DEPTOR: variants seen among roughly 807,000 people sequenced by gnomAD.
The protein encoded by DEPTOR is DEP domain-containing mTOR-interacting protein.
A neutral mutation model predicts 41.6 loss-of-function variants in DEPTOR; 41 were observed. The observed-to-expected ratio is 0.98, with a 90% CI of 0.77 to 1.28. DEPTOR has a LOEUF of 1.28. Ranked by LOEUF, DEPTOR falls within the 50% of genes most tolerant of loss-of-function variation. DEPTOR has a pLI of 0.00. For missense variants in DEPTOR, 514 were observed against 527.9 expected, an observed-to-expected ratio of 0.97 and a Z score of 0.26; for synonymous variants, 195 against 192.3, an observed-to-expected ratio of 1.01 and a Z score of -0.12.
At chr8:119,883,149 G>C (rs74347070) in intron 1 of DEPTOR, among the ~76,000 whole-genome samples, 2,166 of 152,090 alleles carry the variant, frequency 0.014, 56 homozygotes, top group African/African-American at 0.05. Context: ...GGGGAGATGA[G>C]GAGAGAAAAC....
At chr8:119,883,995 A>G (rs6469858) in intron 1 of DEPTOR, among the ~76,000 whole-genome samples, 134,630 of 152,248 alleles carry the variant, frequency 0.88, 59,621 homozygotes, top group East Asian at 0.97. Flanking sequence ...GACTTAAGGT[A>G]TAAGAAACAA....
intron 1 of DEPTOR, 88 bp from the exon 2 acceptor site, chr8:119,928,312 C>A (rs1827988771): frequency 7.1e-7 from 1 of 1,408,120 alleles, no homozygotes; most frequent in Non-Finnish European, 9.7e-7. Flanking sequence ...GCCTTTAGAA[C>A]TTCTGTTATG....
intron 4 of DEPTOR, among the ~76,000 whole-genome samples, chr8:119,966,766 C>T (rs1828567917): frequency 6.6e-6 from 1 of 152,150 alleles, no homozygotes. Flanking sequence ...CGTGAACAAC[C>T]ATGCCGGGCC....
At chr8:119,932,090 T>G (rs900708946) in intron 3 of DEPTOR, among the ~76,000 whole-genome samples, 7 of 151,858 alleles carry the variant, frequency 4.6e-5, no homozygotes, top group African/African-American at 1.5e-4. Context: ...CAAGTGATCC[T>G]CCTGCCTCAG....
At chr8:119,878,137 G>A (rs953380439) in intron 1 of DEPTOR, among the ~76,000 whole-genome samples, 2 of 152,108 alleles carry the variant, frequency 1.3e-5, no homozygotes, top group African/African-American at 4.8e-5. Flanking sequence ...CTTCAACCCA[G>A]GAGGCGGAGA....
In DEPTOR at chr8:120,049,919, G is replaced by C; in HGVS notation, c.*215G>C. On this transcript the variant is annotated 3_prime_UTR_variant, in exon 9 of 9. Transcript: ENST00000286234. ...AAATGTCAGTGTAGAAAACATTTGGGAAACCATTTTCCTACATGATAGAAC... is the reference window on the plus strand; with the variant it reads ...AAATGTCAGTGTAGAAAACATTTGGCAAACCATTTTCCTACATGATAGAAC... The C allele has an allele frequency of 2.3e-6, 1 of 436,282 alleles. No individual in the cohort carries two copies. The highest frequency in any genetic ancestry group is 3.8e-6 in the Non-Finnish European group (1 of 262,440). 27.0% of individuals were successfully genotyped at this position (436,282 alleles called of 1,614,324 possible). A position where few individuals can be genotyped will look rare whatever the true frequency, so the allele number is the denominator to read the frequency against.
chr8:119,899,964 GA>G (rs1827565141), intron 1 of DEPTOR, among the ~76,000 whole-genome samples: 1 of 152,026 alleles, frequency 6.6e-6, no homozygotes, highest in South Asian at 2.1e-4. Context: ...TGTAATCAAA[GA>G]ACCATAATTA....
intron 1 of DEPTOR, among the ~76,000 whole-genome samples, chr8:119,927,050 T>C (rs1026869013): frequency 3.9e-5 from 6 of 152,154 alleles, no homozygotes; most frequent in African/African-American, 7.2e-5. Context: ...TAGCAGACCA[T>C]GGCAGAAGAG....
intron 1 of DEPTOR, among the ~76,000 whole-genome samples, chr8:119,918,301 A>G (rs1446977445): frequency 2.0e-5 from 3 of 152,186 alleles, no homozygotes; most frequent in African/African-American, 7.2e-5. Flanking sequence ...TTGCAGTGAC[A>G]AGACACAGAG....
At chr8:119,951,729 T>C (rs960442798) in intron 3 of DEPTOR, among the ~76,000 whole-genome samples, 1 of 152,228 alleles carries the variant, frequency 6.6e-6, no homozygotes, top group East Asian at 1.9e-4. Context: ...GAGCACCTAA[T>C]GTATACCTCC....
chr8:119,954,338 G>A (rs1206892951), intron 3 of DEPTOR, among the ~76,000 whole-genome samples: 1 of 151,694 alleles, frequency 6.6e-6, no homozygotes, highest in Non-Finnish European at 1.5e-5. Context: ...TTGAGATGGG[G>A]TTTTGCCATA....
chr8:119,973,158 C>T (rs1701363357), intron 4 of DEPTOR, among the ~76,000 whole-genome samples: 1 of 151,734 alleles, frequency 6.6e-6, no homozygotes, highest in African/African-American at 2.4e-5. Context: ...AGGCTGCTCT[C>T]GAACTCCCGA....
At chr8:120,022,167 A>AAAAAAAAAAAAAG in intron 8 of DEPTOR, among the ~76,000 whole-genome samples, 1 of 150,982 alleles carries the variant, frequency 6.6e-6, no homozygotes, top group African/African-American at 2.4e-5. Flanking sequence ...TAAAAAAAAA[A>AAAAAAAAAAAAAG]AAAAAAAAAA....
At chr8:120,025,795 A>C (rs1272090883) in intron 8 of DEPTOR, among the ~76,000 whole-genome samples, 1 of 151,430 alleles carries the variant, frequency 6.6e-6, no homozygotes, top group Non-Finnish European at 1.5e-5. Context: ...CTTATCATCC[A>C]TTCCCCACCA....
At chr8:119,916,263 C>G (rs924864365) in intron 1 of DEPTOR, among the ~76,000 whole-genome samples, 18 of 118,650 alleles carry the variant, frequency 1.5e-4, no homozygotes, top group African/African-American at 5.1e-4. Flanking sequence ...CCAGGCTAGG[C>G]TAATTTTTTT....
At chr8:119,980,765 G>T (rs972155666) in intron 4 of DEPTOR, among the ~76,000 whole-genome samples, 1 of 151,936 alleles carries the variant, frequency 6.6e-6, no homozygotes, top group African/African-American at 2.4e-5. Flanking sequence ...TGATCCACCC[G>T]CCTCGGCCTT....
At chr8:119,883,246 G>A (rs539904170) in intron 1 of DEPTOR, among the ~76,000 whole-genome samples, 4 of 151,812 alleles carry the variant, frequency 2.6e-5, no homozygotes, top group Non-Finnish European at 4.4e-5. Flanking sequence ...AGGCCGAGGC[G>A]GGCGGATCAC....
At chr8:119,894,384 T>TTGTATTTATTTATTTATTTA (rs1554671413) in intron 1 of DEPTOR, among the ~76,000 whole-genome samples, 16 of 46,414 alleles carry the variant, frequency 3.4e-4, no homozygotes, top group Non-Finnish European at 6.3e-5. Flanking sequence ...AATAGTTCTT[T>TTGTATTTATTTATTTATTTA]TTTATTTATT....
intron 1 of DEPTOR, among the ~76,000 whole-genome samples, chr8:119,909,296 G>A (rs924482044): frequency 1.3e-5 from 2 of 152,170 alleles, no homozygotes; most frequent in Admixed American, 6.5e-5. Flanking sequence ...AATGACAGCT[G>A]TCAGGAGAAT....
Sources: gnomAD v4.1 joint callset for allele counts (sites outside exome capture counted in the v4.1 genomes callset) on GRCh38, gnomAD v4.1.1 for gene constraint, MANE v1.5 for transcripts, NCBI Gene and HGNC (gene_info 2026-07-23, HGNC 2026-07-21) for gene names.